The following SLC41A2 variants were observed in gnomAD, a reference collection of about 807,000 sequenced individuals.
SLC41A2 encodes solute carrier family 41 member 2, also known as SLC41A1-like 1.
A neutral mutation model predicts 58.3 loss-of-function variants in SLC41A2; 32 were observed. The observed-to-expected ratio is 0.55, with a 90% CI of 0.41 to 0.74. The LOEUF is 0.74. Among genes scored for constraint, SLC41A2 ranks in the 30% least tolerant of loss-of-function variants. The pLI is 0.00. For synonymous variants in SLC41A2, 190 were observed against 235.0 expected (o/e 0.81, Z 1.75); for missense variants, 514 against 680.6 (o/e 0.76, Z 2.72).
chr12:104,810,028 A>G (rs1203524133), intron 10 of SLC41A2, among the ~76,000 whole-genome samples: 2 of 152,198 alleles, frequency 1.3e-5, no homozygotes, highest in Admixed American at 1.3e-4. Context: ...AGACAGTGTC[A>G]TATAGGAGAT....
chr12:104,872,921 T>C (rs1367073198), intron 6 of SLC41A2, among the ~76,000 whole-genome samples: 2 of 152,220 alleles, frequency 1.3e-5, no homozygotes, highest in Non-Finnish European at 2.9e-5. Context: ...GGTGTTTTCA[T>C]AGACATATTA....
chr12:104,897,805 T>C (rs1275472798), intron 3 of SLC41A2, among the ~76,000 whole-genome samples: 4 of 152,184 alleles, frequency 2.6e-5, no homozygotes, highest in Admixed American at 6.5e-5. Flanking sequence ...GATAGAGGTA[T>C]GGCAGGACAC....
intron 6 of SLC41A2, among the ~76,000 whole-genome samples, chr12:104,879,423 T>C (rs886577314): frequency 9.2e-5 from 14 of 152,232 alleles, no homozygotes; most frequent in African/African-American, 3.4e-4. Context: ...GGTTTTCTTC[T>C]AGGGTTTTTA....
chr12:104,879,502 C>T (rs2044248353), intron 6 of SLC41A2, among the ~76,000 whole-genome samples: 1 of 152,200 alleles, frequency 6.6e-6, no homozygotes, highest in South Asian at 2.1e-4. Context: ...CCAGTTTCAG[C>T]TTTCTACATA....
At chr12:104,933,714 T>TAC (rs2047156800) in intron 1 of SLC41A2, among the ~76,000 whole-genome samples, 1 of 151,836 alleles carries the variant, frequency 6.6e-6, no homozygotes, top group Admixed American at 6.6e-5. Context: ...CCCATATATA[T>TAC]ACACCATGAA....
chr12:104,876,429 G>A (rs1192809842), intron 6 of SLC41A2, among the ~76,000 whole-genome samples: 1 of 151,892 alleles, frequency 6.6e-6, no homozygotes, highest in Non-Finnish European at 1.5e-5. Context: ...CTTTTGCTGT[G>A]TCCCTTAGGT....
At chr12:104,895,406 C>G in intron 3 of SLC41A2, 61 bp from the exon 4 acceptor site, 9 of 1,147,376 alleles carry the variant, frequency 7.8e-6, no homozygotes, top group Non-Finnish European at 1.0e-5. Flanking sequence ...CTGCTGTGTT[C>G]AAACAGCACA....
chr12:104,838,209 T>A (rs938008463), intron 10 of SLC41A2, among the ~76,000 whole-genome samples: 1 of 152,244 alleles, frequency 6.6e-6, no homozygotes, highest in African/African-American at 2.4e-5. Context: ...CATGTTCTAC[T>A]GGATGAGAAA....
At chr12:104,939,300 T>C (rs2047408452) in intron 1 of SLC41A2, among the ~76,000 whole-genome samples, 1 of 152,194 alleles carries the variant, frequency 6.6e-6, no homozygotes, top group Non-Finnish European at 1.5e-5. Flanking sequence ...TGGACTCAAG[T>C]GATCCTTGCA....
intron 2 of SLC41A2, among the ~76,000 whole-genome samples, chr12:104,926,318 C>G (rs191724316): frequency 2.6e-5 from 4 of 152,080 alleles, no homozygotes; most frequent in Admixed American, 6.6e-5. Flanking sequence ...ACCTACAAAT[C>G]GGCTAGACAT....
At chr12:104,813,733 T>C (rs1471841082) in intron 10 of SLC41A2, among the ~76,000 whole-genome samples, 1 of 152,192 alleles carries the variant, frequency 6.6e-6, no homozygotes, top group Non-Finnish European at 1.5e-5. Context: ...TTTCCCAGGT[T>C]CAAGTGATTC....
At chr12:104,905,044 T>C in intron 3 of SLC41A2, among the ~76,000 whole-genome samples, 1 of 152,014 alleles carries the variant, frequency 6.6e-6, no homozygotes, top group Non-Finnish European at 1.5e-5. Context: ...GGGCACTGAT[T>C]GGTGCGTTTA....
intron 10 of SLC41A2, among the ~76,000 whole-genome samples, chr12:104,811,527 G>A (rs1169082038): frequency 6.6e-6 from 1 of 152,134 alleles, no homozygotes; most frequent in Admixed American, 6.5e-5. Context: ...GCTGATAACT[G>A]TTAGGGAGGG....
chr12:104,879,212 C>T (rs192722376), intron 6 of SLC41A2, among the ~76,000 whole-genome samples: 188 of 152,238 alleles, frequency 1.2e-3, no homozygotes, highest in Middle Eastern at 6.8e-3. Flanking sequence ...GCTATTAGCC[C>T]TTTGTCAGAT....
intron 10 of SLC41A2, among the ~76,000 whole-genome samples, chr12:104,829,831 C>T (rs890247494): frequency 2.3e-5 from 2 of 86,822 alleles, no homozygotes; most frequent in Non-Finnish European, 4.7e-5. Context: ...AAGAATATTA[C>T]TTTGTGCATA....
At chr12:104,906,240 C>A (rs73383412) in intron 3 of SLC41A2, among the ~76,000 whole-genome samples, 12,907 of 152,152 alleles carry the variant, frequency 0.085, 789 homozygotes, top group East Asian at 0.26. Flanking sequence ...ATACAGGAAC[C>A]AATATAAATC....
chr12:104,918,802 T>C (rs1353151783), intron 2 of SLC41A2, among the ~76,000 whole-genome samples: 3 of 152,148 alleles, frequency 2.0e-5, no homozygotes, highest in Non-Finnish European at 4.4e-5. Context: ...TATTTTGAAG[T>C]AATTGTAGAT....
At chr12:104,846,030 A>G in intron 8 of SLC41A2, 56 bp from the exon 9 acceptor site, 1 of 1,562,554 alleles carries the variant, frequency 6.4e-7, no homozygotes, top group Non-Finnish European at 8.7e-7. Context: ...AATTTGCATA[A>G]ATTCAACCAA....
At chr12:104,851,058 A>T (rs1014803697) in intron 8 of SLC41A2, among the ~76,000 whole-genome samples, 1 of 152,228 alleles carries the variant, frequency 6.6e-6, no homozygotes, top group Non-Finnish European at 1.5e-5. Flanking sequence ...TAATCTGAAA[A>T]TAAGGATAAT....
Sources: gnomAD v4.1 joint callset for allele counts (sites outside exome capture counted in the v4.1 genomes callset) on GRCh38, gnomAD v4.1.1 for gene constraint, MANE v1.5 for transcripts, NCBI Gene and HGNC (gene_info 2026-07-23, HGNC 2026-07-21) for gene names.